TMEM178B: variants seen among roughly 807,000 people sequenced by gnomAD.
The protein encoded by TMEM178B is transmembrane protein 178B.
In TMEM178B, 5 loss-of-function variants were observed where a neutral mutation model predicts 31.0. The observed-to-expected ratio is 0.16, with a 90% CI of 0.08 to 0.34. The LOEUF (loss-of-function observed/expected upper bound fraction) is 0.34, where lower values mean the gene tolerates loss of function less well. Ranked by LOEUF, TMEM178B falls within the 10% of genes least tolerant of loss-of-function variation. TMEM178B has a pLI of 1.00. For missense variants in TMEM178B, 275 were observed against 400.3 expected (o/e 0.69, Z 2.67); for synonymous variants, 164 against 164.0 (o/e 1.00, Z 0.00).
the TMEM178B span, among the ~76,000 whole-genome samples, chr7:141,502,653 C>T: frequency 6.6e-6 from 1 of 152,116 alleles, no homozygotes; most frequent in Non-Finnish European, 1.5e-5. Context: ...GCCTGTAATC[C>T]CAGCTATTCG....
At chr7:141,402,252 A>G (rs988383423) in intron 2 of TMEM178B, among the ~76,000 whole-genome samples, 2 of 152,234 alleles carry the variant, frequency 1.3e-5, no homozygotes, top group East Asian at 1.9e-4. Context: ...TGGGAGGGCC[A>G]GAAGGCTGCT....
intron 2 of TMEM178B, among the ~76,000 whole-genome samples, chr7:141,279,839 A>C (rs1422083204): frequency 1.3e-5 from 2 of 152,234 alleles, no homozygotes; most frequent in East Asian, 3.8e-4. Flanking sequence ...TTCCCATTGC[A>C]TACCTCCATG....
intron 2 of TMEM178B, among the ~76,000 whole-genome samples, chr7:141,265,315 T>A (rs1798079400): frequency 6.6e-6 from 1 of 151,164 alleles, no homozygotes; most frequent in Admixed American, 6.6e-5. Flanking sequence ...GATGATGGGG[T>A]GGGGTGGGAG....
chr7:141,317,427 C>T (rs1799024385), intron 2 of TMEM178B, among the ~76,000 whole-genome samples: 1 of 152,150 alleles, frequency 6.6e-6, no homozygotes, highest in South Asian at 2.1e-4. Context: ...AACAGCAGAG[C>T]TTTTCTAGCT....
intron 2 of TMEM178B, among the ~76,000 whole-genome samples, chr7:141,432,885 G>A (rs1055552925): frequency 3.3e-5 from 5 of 152,152 alleles, no homozygotes; most frequent in East Asian, 1.9e-4. Flanking sequence ...TCTGAGGGGC[G>A]GATTCTGGGG....
intron 1 of TMEM178B, among the ~76,000 whole-genome samples, chr7:141,203,755 A>G (rs1586823964): frequency 3.3e-5 from 5 of 151,956 alleles, no homozygotes; most frequent in Admixed American, 3.3e-4. Context: ...GTCCTAGAAT[A>G]CCCCTTCCTG....
At chr7:141,288,765 G>A (rs1798493806) in intron 2 of TMEM178B, among the ~76,000 whole-genome samples, 1 of 152,214 alleles carries the variant, frequency 6.6e-6, no homozygotes, top group African/African-American at 2.4e-5. Flanking sequence ...CTACAGTAAA[G>A]AGTGACGTTC....
chr7:141,212,980 G>C (rs1331475744), intron 2 of TMEM178B, among the ~76,000 whole-genome samples: 1 of 152,176 alleles, frequency 6.6e-6, no homozygotes, highest in African/African-American at 2.4e-5. Context: ...TCACTACCCT[G>C]GTAGGCATGT....
At chr7:141,467,499 G>A (rs941862621) in intron 3 of TMEM178B, among the ~76,000 whole-genome samples, 2 of 152,062 alleles carry the variant, frequency 1.3e-5, no homozygotes, top group East Asian at 1.9e-4. Context: ...TAAGCCATTC[G>A]GAGCTCCCAG....
At chr7:141,182,247 C>T (rs931569840) in intron 1 of TMEM178B, among the ~76,000 whole-genome samples, 2 of 152,102 alleles carry the variant, frequency 1.3e-5, no homozygotes, top group African/African-American at 4.8e-5. Context: ...ATTGAGAAGG[C>T]CTGCATAACT....
chr7:141,095,308 G>A (rs1794939509), intron 1 of TMEM178B, among the ~76,000 whole-genome samples: 2 of 152,196 alleles, frequency 1.3e-5, no homozygotes, highest in Non-Finnish European at 2.9e-5. Flanking sequence ...TGGAAACCAT[G>A]TGAGAAATGC....
rs139718016 is a variant in TMEM178B, at chr7:141,430,400, G to A, written c.497-7208G>A. Among the ~76,000 whole-genome samples the A allele has an allele frequency of 9.2e-5, 14 of 152,262 alleles. No homozygotes were observed. In the East Asian group the frequency reaches 1.7e-3, roughly 19 times the overall value. Reference sequence around the variant, plus strand: ...TACACTTATATAGCTCTAGCATTGCGCCAGGTACTATTATAAGCAGTTTAC... The same window carrying A: ...TACACTTATATAGCTCTAGCATTGCACCAGGTACTATTATAAGCAGTTTAC... On this transcript the variant is annotated intron_variant, in intron 2 of 3. Coordinates refer to ENST00000565468, the MANE Select transcript of TMEM178B (RefSeq NM_001195278.2).
At chr7:141,392,557 C>T (rs907371189) in intron 2 of TMEM178B, among the ~76,000 whole-genome samples, 2 of 152,192 alleles carry the variant, frequency 1.3e-5, no homozygotes, top group South Asian at 4.1e-4. Flanking sequence ...GCCATGATCA[C>T]ATCCAACAAA....
At chr7:141,444,266 T>C (rs1416341311) in intron 3 of TMEM178B, among the ~76,000 whole-genome samples, 1 of 152,206 alleles carries the variant, frequency 6.6e-6, no homozygotes. Context: ...CTTTGTCTGC[T>C]TTCATGAAGG....
At position 141,228,209 on chromosome 7, in the gene TMEM178B, A is replaced by C. The variant is rs1797377299; in HGVS notation, c.496+15505A>C. On this transcript the variant is annotated intron_variant, in intron 2 of 3. Transcript: ENST00000565468. ...ATTATGATCATTAATCCATAAAAAT[A>C]GTTTTCATATATATGTTGTATTTAA... Among the ~76,000 whole-genome samples, 3 of 152,190 alleles carry C rather than the reference A, an allele frequency of 2.0e-5. No homozygotes were observed. In the South Asian group the frequency reaches 6.2e-4, roughly 32 times the overall value.
chr7:141,352,367 G>A (rs912008104), intron 2 of TMEM178B: 1 of 150,814 alleles, frequency 6.6e-6, no homozygotes, highest in Non-Finnish European at 1.5e-5. Context: ...TCATGACCAG[G>A]GAGTCCACTA....
At chr7:141,376,156 A>G (rs1800208961) in intron 2 of TMEM178B, among the ~76,000 whole-genome samples, 1 of 152,248 alleles carries the variant, frequency 6.6e-6, no homozygotes, top group Non-Finnish European at 1.5e-5. Context: ...GTAAGGAACT[A>G]TATTTAAGGG....
intron 2 of TMEM178B, among the ~76,000 whole-genome samples, chr7:141,291,462 A>G (rs1025438483): frequency 2.0e-5 from 3 of 152,186 alleles, no homozygotes; most frequent in African/African-American, 4.8e-5. Flanking sequence ...GAGAACACAT[A>G]ATGTCTACAG....
At chr7:141,425,910 TC>T (rs961707857) in intron 2 of TMEM178B, among the ~76,000 whole-genome samples, 5 of 152,014 alleles carry the variant, frequency 3.3e-5, no homozygotes, top group South Asian at 2.1e-4. Context: ...GAAACTACCT[TC>T]CCCCCCTATC....
Sources: allele counts gnomAD v4.1 joint callset (sites outside exome capture counted in the v4.1 genomes callset), GRCh38; gene constraint gnomAD v4.1.1; transcripts MANE v1.5; gene names NCBI Gene and HGNC (gene_info 2026-07-23, HGNC 2026-07-21).